Variants in ASB4 observed in about 807,000 individuals in gnomAD.
ASB4 encodes the protein ankyrin repeat and SOCS box protein 4.
A neutral mutation model predicts 38.6 loss-of-function variants in ASB4; 35 were observed. That is an observed-to-expected ratio of 0.91 (90% CI 0.69 to 1.20). The LOEUF (loss-of-function observed/expected upper bound fraction) is 1.20, where lower values mean the gene tolerates loss of function less well. Ranked by LOEUF, ASB4 falls within the 50% of genes most tolerant of loss-of-function variation. ASB4 has a pLI of 0.00. For missense variants in ASB4, 557 were observed against 527.2 expected (o/e 1.06, Z -0.55); for synonymous variants, 195 against 201.3 (o/e 0.97, Z 0.26).
At chr7:95,528,545 C>G in intron 3 of ASB4, 1 of 1,424,852 alleles carries the variant, frequency 7.0e-7, no homozygotes, top group Non-Finnish European at 9.1e-7. Flanking sequence ...TTTGTTTTGC[C>G]TTGTGTGAAC....
At chr7:95,474,792 G>GA (rs966241090), upstream of ASB4, among the ~76,000 whole-genome samples, 2 of 152,110 alleles carry the variant, frequency 1.3e-5, no homozygotes, top group African/African-American at 4.8e-5. Flanking sequence ...CAAAGTGCTG[G>GA]AATTATGGCA....
At chr7:95,522,110 G>A (rs990783622) in intron 2 of ASB4, among the ~76,000 whole-genome samples, 132 of 152,158 alleles carry the variant, frequency 8.7e-4, no homozygotes, top group African/African-American at 3.1e-3. Context: ...TAGATATTTA[G>A]ATGCAGTAAC....
intron 2 of ASB4, among the ~76,000 whole-genome samples, chr7:95,499,794 C>G (rs192926278): frequency 6.7e-6 from 1 of 149,766 alleles, no homozygotes; most frequent in South Asian, 2.1e-4. Context: ...TGAAGATGCA[C>G]GAGACAGGAT....
At chr7:95,527,024 CCTATTT>C (rs1457715046) in intron 2 of ASB4, among the ~76,000 whole-genome samples, 3 of 152,164 alleles carry the variant, frequency 2.0e-5, no homozygotes, top group South Asian at 2.1e-4. Flanking sequence ...ACAAAAAATT[CCTATTT>C]CTAACATCCT....
At chr7:95,487,654 T>G (rs1375054524) in intron 1 of ASB4, among the ~76,000 whole-genome samples, 1 of 152,122 alleles carries the variant, frequency 6.6e-6, no homozygotes, top group Non-Finnish European at 1.5e-5. Flanking sequence ...TCATCTTCCT[T>G]GAAGGAAAAG....
At chr7:95,491,313 GCA>G (rs1275208648) in intron 1 of ASB4, among the ~76,000 whole-genome samples, 1 of 152,142 alleles carries the variant, frequency 6.6e-6, no homozygotes, top group African/African-American at 2.4e-5. Context: ...AGCTGTCACT[GCA>G]CACAGACTCT....
chr7:95,502,296 C>T (rs1220278603), intron 2 of ASB4, among the ~76,000 whole-genome samples: 3 of 150,984 alleles, frequency 2.0e-5, no homozygotes, highest in Non-Finnish European at 2.9e-5. Context: ...TTGTTTGTTA[C>T]GTTAATAAGC....
chr7:95,549,624 G>A, the ASB4 span, among the ~76,000 whole-genome samples: 3 of 152,038 alleles, frequency 2.0e-5, no homozygotes, highest in Non-Finnish European at 4.4e-5. Context: ...ATGGATTTAC[G>A]TTGTTCACAA....
chr7:95,492,531 A>G (rs1585796284), intron 1 of ASB4, among the ~76,000 whole-genome samples: 1 of 152,158 alleles, frequency 6.6e-6, no homozygotes, highest in Admixed American at 6.5e-5. Flanking sequence ...AAAAAGTGGC[A>G]GTTTTCTCAT....
intron 1 of ASB4, among the ~76,000 whole-genome samples, chr7:95,487,092 A>C (rs893398646): frequency 6.6e-6 from 1 of 152,248 alleles, no homozygotes; most frequent in Non-Finnish European, 1.5e-5. Flanking sequence ...GGCCATCTAT[A>C]AATCATCAGT....
chr7:95,536,640 T>C (rs1790894041), intron 4 of ASB4, 90 bp downstream of exon 4: 3 of 854,996 alleles, frequency 3.5e-6, no homozygotes, highest in African/African-American at 3.4e-5. Flanking sequence ...AAAAAGTTGG[T>C]TTTGAGAATG....
At chr7:95,537,522 TA>T in intron 4 of ASB4, 48 bp from the exon 5 acceptor site, 1 of 1,490,404 alleles carries the variant, frequency 6.7e-7, no homozygotes, top group Non-Finnish European at 9.1e-7. Context: ...TTTATTGATG[TA>T]AACTGTGGGG....
intron 3 of ASB4, among the ~76,000 whole-genome samples, chr7:95,531,091 T>C (rs1427838241): frequency 6.6e-6 from 1 of 152,214 alleles, no homozygotes; most frequent in African/African-American, 2.4e-5. Flanking sequence ...AAGTTATTCC[T>C]ACTCATAGCA....
chr7:95,537,642 G>C lies in ASB4; in HGVS notation c.1164G>C (p.Ser388=), dbSNP rs753769496. The C allele has an allele frequency of 6.2e-7, 1 of 1,613,546 alleles. No individual in the cohort carries two copies. Among genetic ancestry groups the C allele is most frequent in the African/African-American group, 1.3e-5 (1 of 74,860 alleles). ...CNSPRTLMHL[S]RCAIRRTLHN... Reference sequence around the variant, plus strand: ...CTCCAAGGACTCTCATGCACTTATCGAGATGTGCCATTAGAAGAACATTAC... The same window carrying C: ...CTCCAAGGACTCTCATGCACTTATCCAGATGTGCCATTAGAAGAACATTAC... Residue 388 remains serine, a synonymous_variant, in exon 5 of 5, where the codon TCG becomes TCC. Coordinates refer to ENST00000325885, the MANE Select transcript of ASB4 (RefSeq NM_016116.3).
upstream of ASB4, among the ~76,000 whole-genome samples, chr7:95,481,007 G>A (rs66619691): frequency 0.26 from 39,672 of 152,072 alleles, 5,293 homozygotes; most frequent in East Asian, 0.37. Flanking sequence ...AGGAACATTG[G>A]TTGGGAGTGT....
At chr7:95,549,458 G>A in the ASB4 span, among the ~76,000 whole-genome samples, 4 of 151,774 alleles carry the variant, frequency 2.6e-5, no homozygotes, top group Admixed American at 6.6e-5. Context: ...CATCACGCCC[G>A]GCTAATTTTT....
intron 2 of ASB4, among the ~76,000 whole-genome samples, chr7:95,517,647 T>C (rs1790602811): frequency 6.6e-6 from 1 of 151,278 alleles, no homozygotes; most frequent in African/African-American, 2.4e-5. Flanking sequence ...TACCATTAGA[T>C]ATAGTAGAGA....
intron 4 of ASB4, among the ~76,000 whole-genome samples, chr7:95,537,242 T>C (rs1790900899): frequency 6.6e-6 from 1 of 152,190 alleles, no homozygotes; most frequent in African/African-American, 2.4e-5. Flanking sequence ...ATCCTTCACT[T>C]CCATTAAATA....
intron 2 of ASB4, among the ~76,000 whole-genome samples, chr7:95,515,316 TCTTC>T (rs1274522352): frequency 7.0e-4 from 67 of 95,822 alleles, no homozygotes; most frequent in East Asian, 1.6e-3. Flanking sequence ...TTTCTTTCTT[TCTTC>T]CTTCCTTCCT....
Sources: gnomAD v4.1 joint callset for allele counts (sites outside exome capture counted in the v4.1 genomes callset) on GRCh38, gnomAD v4.1.1 for gene constraint, MANE v1.5 for transcripts, NCBI Gene and HGNC (gene_info 2026-07-23, HGNC 2026-07-21) for gene names.